Variants in CYP4F3 observed in about 807,000 individuals in gnomAD.
CYP4F3 encodes the protein cytochrome P450 4F3.
Under a neutral mutation model 54.8 loss-of-function variants are expected in CYP4F3, and 50 were observed. The observed-to-expected ratio is 0.91, with a 90% CI of 0.73 to 1.16. The LOEUF (loss-of-function observed/expected upper bound fraction) is 1.16, where lower values mean the gene tolerates loss of function less well. CYP4F3 is among the 50% of genes most tolerant of loss of function. The pLI, the probability that CYP4F3 is intolerant of heterozygous loss-of-function variation, is 0.00. For missense variants in CYP4F3, 715 were observed against 676.2 expected (o/e 1.06, Z -0.64); for synonymous variants, 244 against 262.6 (o/e 0.93, Z 0.69).
intron 5 of CYP4F3, 144 bp from the exon 6 acceptor site, chr19:15,649,016 C>A: frequency 7.4e-7 from 1 of 1,348,452 alleles, no homozygotes. Context: ...TTTGCTTGCA[C>A]CATAACCTGG....
intron 7 of CYP4F3, among the ~76,000 whole-genome samples, chr19:15,650,866 CTT>C (rs770194285): frequency 1.3e-4 from 6 of 47,076 alleles, no homozygotes; most frequent in African/African-American, 4.1e-4. Flanking sequence ...TTCTTTCTTT[CTT>C]TTTCTCTCTC....
In CYP4F3 at chr19:15,658,152, T is replaced by C. The variant is rs528138932; in HGVS notation, c.1116-112T>C. 8 of 1,556,202 alleles carry C rather than the reference T, an allele frequency of 5.1e-6. No homozygotes were observed. The African/African-American group carries it at 8.4e-5, about 16-fold the overall frequency. On this transcript the variant is annotated intron_variant, in intron 9 of 12. Transcript: ENST00000221307. The stretch of plus-strand genomic sequence containing the variant: ...TCCTGCGACTTTGTAACAATTCTTT[T>C]AAAAAGTTTATTTCGTTACAGGGAG...
intron 2 of CYP4F3, chr19:15,644,171 G>T (rs1234071012): frequency 3.3e-6 from 4 of 1,223,540 alleles, no homozygotes; most frequent in Admixed American, 3.2e-5. Context: ...TTCTCTCTCA[G>T]CCATCTTCAT....
At chr19:15,647,524 A>G (rs1420488758) in intron 5 of CYP4F3, among the ~76,000 whole-genome samples, 200 bp downstream of exon 5, 2 of 152,210 alleles carry the variant, frequency 1.3e-5, no homozygotes, top group African/African-American at 4.8e-5. Flanking sequence ...GGCGCATAGT[A>G]GGTGCCCAGA....
intron 2 of CYP4F3, 134 bp from the exon 3 acceptor site, chr19:15,645,585 G>A (rs1972598517): frequency 7.5e-6 from 9 of 1,193,232 alleles, no homozygotes; most frequent in African/African-American, 1.5e-5. Flanking sequence ...GAAGCCCAGT[G>A]GGGGCTCAGC....
chr19:15,647,732 G>C (rs1972673368), intron 5 of CYP4F3, among the ~76,000 whole-genome samples: 1 of 152,230 alleles, frequency 6.6e-6, no homozygotes, highest in South Asian at 2.1e-4. Context: ...GATCAGTCAT[G>C]GTACATGAGC....
rs910035971 is a variant in CYP4F3, at chr19:15,662,591, G to T, written c.*3206G>T. 4 of 152,110 alleles carry T rather than the reference G, an allele frequency of 2.6e-5. No individual in the cohort carries two copies. Among genetic ancestry groups the T allele is most frequent in the African/African-American group, 4.8e-5 (2 of 41,400 alleles). 9.4% of individuals were successfully genotyped at this position (152,110 alleles called of 1,614,324 possible). On this transcript the variant is annotated 3_prime_UTR_variant, in exon 13 of 13. Transcript: ENST00000221307. ...TATTTCTACAAATAGTCCTGATAGG[G>T]TTTGAATTGGGATTTCTGTGAATCT...
rs1296442275 is a variant in CYP4F3, at chr19:15,660,465, G to A, written c.*1080G>A. The stretch of plus-strand genomic sequence containing the variant: ...TAAGAAGTAGACCACTGAGAAGGGA[G>A]AAGGTGACATTTTAGCTTTCCCAGG... On this transcript the variant is annotated 3_prime_UTR_variant, in exon 13 of 13. Transcript: ENST00000221307. 6.6e-6 allele frequency: 1 copy of A among 152,148 alleles called. No homozygotes were observed. The highest frequency in any genetic ancestry group is 2.4e-5 in the African/African-American group (1 of 41,416). The allele number at this position is 152,148 out of a possible 1,614,324, so 9.4% of individuals were successfully genotyped here. A position where few individuals can be genotyped will look rare whatever the true frequency, so the allele number is the denominator to read the frequency against.
chr19:15,646,928 C>T, intron 3 of CYP4F3, 124 bp from the exon 4 acceptor site: 1 of 1,403,468 alleles, frequency 7.1e-7, no homozygotes. Context: ...TCCCCTTGAC[C>T]CTCTTCTTGC....
Position 15,641,496 on chromosome 19 carries a change from C to T in CYP4F3, c.81C>T (p.Ala27=), listed in dbSNP as rs1424571781. The T allele has an allele frequency of 1.9e-6, 3 of 1,614,226 alleles. No individual in the cohort carries two copies. Among genetic ancestry groups the T allele is most frequent in the South Asian group, 2.2e-5 (2 of 91,092 alleles). ...SPWLLLLLVG[A]SWLLARILAW... is the part of the protein sequence containing the mutation. ...GGCTGCTCCTGCTGCTGGTTGGGGC[C>T]TCCTGGCTCCTGGCCCGCATCCTGG... The change falls in exon 2 of 13, where the codon GCC becomes GCT. Residue 27 remains alanine (A), a synonymous_variant. Coordinates refer to ENST00000221307, the MANE Select transcript of CYP4F3 (RefSeq NM_000896.3).
chr19:15,644,632 T>C (rs759998), intron 2 of CYP4F3, among the ~76,000 whole-genome samples: 102,026 of 152,122 alleles, frequency 0.67, 34,861 homozygotes, highest in East Asian at 0.84. Flanking sequence ...CTGTTATTTC[T>C]GTGATGTCCA....
Position 15,662,683 on chromosome 19 carries a change from T to C in CYP4F3, c.*3298T>C, listed in dbSNP as rs1750476864. The C allele has an allele frequency of 6.6e-6, 1 of 152,228 alleles. No individual in the cohort carries two copies. The highest frequency in any genetic ancestry group is 6.5e-5 in the Admixed American group (1 of 15,288). The allele number at this position is 152,228 out of a possible 1,614,324, so 9.4% of individuals were successfully genotyped here. A position where few individuals can be genotyped will look rare whatever the true frequency, so the allele number is the denominator to read the frequency against. ...CCAATTCATGAATATAGTATACCCC[T>C]GTATTTATTTGTTTTCTTGAATTTC... On this transcript the variant is annotated 3_prime_UTR_variant, in exon 13 of 13. Transcript: ENST00000221307.
intron 3 of CYP4F3, among the ~76,000 whole-genome samples, chr19:15,646,081 T>C (rs1170107984): frequency 6.6e-6 from 1 of 152,198 alleles, no homozygotes; most frequent in Non-Finnish European, 1.5e-5. Flanking sequence ...GTGGCTGTTA[T>C]ATGGTCAAGT....
chr19:15,649,469 T>C (rs973753864), intron 6 of CYP4F3, among the ~76,000 whole-genome samples, 188 bp downstream of exon 6: 1 of 151,966 alleles, frequency 6.6e-6, no homozygotes, highest in Admixed American at 6.6e-5. Context: ...TTTGAACTGG[T>C]GGGTGTGGTC....
intron 1 of CYP4F3, 147 bp downstream of exon 1, chr19:15,641,092 G>A: frequency 6.3e-6 from 2 of 316,748 alleles, no homozygotes; most frequent in Non-Finnish European, 1.2e-5. Flanking sequence ...CCTGGTTGCT[G>A]GCTTGGAGGA....
Position 15,650,142 on chromosome 19 carries a change from T to C in CYP4F3, c.877T>C (p.Ser293Pro). 1 of 1,614,162 alleles carries C rather than the reference T, an allele frequency of 6.2e-7. No individual in the cohort carries two copies. Among genetic ancestry groups the C allele is most frequent in the South Asian group, 1.1e-5 (1 of 91,078 alleles). Residue 293 changes from serine to proline, a missense_variant, in exon 7 of 13, where the codon TCC becomes CCC. Coordinates refer to ENST00000221307, the MANE Select transcript of CYP4F3 (RefSeq NM_000896.3). ...VDDFLQAKAK[S>P]KTLDFIDVLL... ...TGACTTCCTCCAAGCCAAGGCCAAA[T>C]CCAAGACTTTGGACTTCATTGATGT...
At chr19:15,654,535 C>G (rs1972963377) in intron 9 of CYP4F3, among the ~76,000 whole-genome samples, 1 of 152,160 alleles carries the variant, frequency 6.6e-6, no homozygotes, top group South Asian at 2.1e-4. Flanking sequence ...CCTTCCCTCC[C>G]CTCTGCCAAT....
At chr19:15,658,651 G>A in intron 11 of CYP4F3, 76 bp from the exon 12 acceptor site, 1 of 1,608,882 alleles carries the variant, frequency 6.2e-7, no homozygotes, top group Non-Finnish European at 8.5e-7. Flanking sequence ...CTCCCTCCAA[G>A]ACACACACCA....
Position 15,649,816 on chromosome 19 carries a change from T to C in CYP4F3, c.648-97T>C, listed in dbSNP as rs1040809786. On this transcript the variant is annotated intron_variant, in intron 6 of 12. Coordinates refer to ENST00000221307, the MANE Select transcript of CYP4F3 (RefSeq NM_000896.3). The stretch of plus-strand genomic sequence containing the variant: ...GGCCATCTGTTCCTGGATACCCCGT[T>C]TACTGATAGGAGGTAGCTCCTAGCT... The C allele has an allele frequency of 2.4e-5, 37 of 1,534,256 alleles. No individual in the cohort carries two copies. In the Admixed American group the frequency reaches 6.8e-4, roughly 28 times the overall value.
Sources: gnomAD v4.1 joint callset for allele counts (sites outside exome capture counted in the v4.1 genomes callset) on GRCh38, gnomAD v4.1.1 for gene constraint, MANE v1.5 for transcripts, NCBI Gene and HGNC (gene_info 2026-07-23, HGNC 2026-07-21) for gene names.